The following CDH18 variants were observed in gnomAD, a reference collection of about 807,000 sequenced individuals.
CDH18 encodes the protein cadherin-18.
CDH18 carries 31 observed loss-of-function variants against 67.9 expected under a neutral mutation model. That is an observed-to-expected ratio of 0.46 (90% CI 0.34 to 0.62). The LOEUF is 0.62. Among genes scored for constraint, CDH18 ranks in the 20% least tolerant of loss-of-function variants. CDH18 has a pLI of 0.01. For missense variants in CDH18, 890 were observed against 975.5 expected (o/e 0.91, Z 1.17); for synonymous variants, 362 against 347.2 (o/e 1.04, Z -0.48).
chr5:20,511,843 G>A (rs746515084), intron 1 of CDH18, among the ~76,000 whole-genome samples: 6 of 152,078 alleles, frequency 3.9e-5, no homozygotes, highest in Non-Finnish European at 7.4e-5. Flanking sequence ...GGTTTTATTT[G>A]TTGGTGAGTT....
rs548812266 is a variant in CDH18 at position 20,281,836 on chromosome 5, T to C, written c.-579-26331A>G. On this transcript the variant is annotated intron_variant, in intron 1 of 14. Transcript: ENST00000507958. ...CCATTTTCACGATATTGATTCTTCCTACCCATGAGCATGGAATGTTCTTCC... is the reference window on the plus strand; with the variant it reads ...CCATTTTCACGATATTGATTCTTCCCACCCATGAGCATGGAATGTTCTTCC... Among the ~76,000 whole-genome samples the C allele has an allele frequency of 4.6e-5, 7 of 152,326 alleles. No homozygotes were observed. The East Asian group carries it at 7.7e-4, about 17-fold the overall frequency.
intron 8 of CDH18, among the ~76,000 whole-genome samples, chr5:19,569,710 C>T (rs1741040201): frequency 6.6e-6 from 1 of 152,046 alleles, no homozygotes; most frequent in South Asian, 2.1e-4. Flanking sequence ...CTATTTCTTC[C>T]ACCTAAATGT....
At chr5:20,536,073 T>C (rs1010039815) in intron 1 of CDH18, among the ~76,000 whole-genome samples, 2 of 152,186 alleles carry the variant, frequency 1.3e-5, no homozygotes, top group Admixed American at 1.3e-4. Flanking sequence ...TTTATAATTT[T>C]TTAAAATAGC....
chr5:20,386,865 G>A (rs1011992586), intron 1 of CDH18, among the ~76,000 whole-genome samples: 4 of 152,046 alleles, frequency 2.6e-5, no homozygotes, highest in Non-Finnish European at 5.9e-5. Context: ...GCATGCCACT[G>A]TCATTGTCTT....
chr5:20,203,659 GCC>G, intron 2 of CDH18, among the ~76,000 whole-genome samples: 1 of 146,400 alleles, frequency 6.8e-6, no homozygotes, highest in African/African-American at 2.5e-5. Flanking sequence ...AAAAAAAAAA[GCC>G]AGACAGAGAA....
chr5:20,433,085 C>T lies in CDH18; in HGVS notation c.-580+142377G>A, dbSNP rs535876862. ...AACACTATGTTAGTCACGGATTAGC[C>T]GAGGTCAATAGGCGACATTTCTTCC... On this transcript the variant is annotated intron_variant, in intron 1 of 14. Transcript: ENST00000507958. Among the ~76,000 whole-genome samples, 12 of 150,404 alleles carry T rather than the reference C, an allele frequency of 8.0e-5. No individual in the cohort carries two copies. The South Asian group carries it at 2.5e-3, about 32-fold the overall frequency.
intron 5 of CDH18, among the ~76,000 whole-genome samples, chr5:19,712,670 C>T (rs1462976897): frequency 7.3e-6 from 1 of 137,282 alleles, no homozygotes; most frequent in Non-Finnish European, 1.6e-5. Flanking sequence ...CACACACACA[C>T]ATATTTATAT....
intron 3 of CDH18, among the ~76,000 whole-genome samples, chr5:19,781,771 T>C (rs569707615): frequency 6.6e-6 from 1 of 152,074 alleles, no homozygotes; most frequent in African/African-American, 2.4e-5. Flanking sequence ...AACACAATAA[T>C]AATGGAGAAG....
chr5:19,545,104 T>G (rs1053137036), intron 8 of CDH18, among the ~76,000 whole-genome samples: 1 of 152,226 alleles, frequency 6.6e-6, no homozygotes, highest in Non-Finnish European at 1.5e-5. Flanking sequence ...TTTCTTCAAC[T>G]ATTTAAGGAG....
At chr5:20,050,160 G>T (rs1010140497) in intron 2 of CDH18, among the ~76,000 whole-genome samples, 5 of 151,874 alleles carry the variant, frequency 3.3e-5, no homozygotes, top group Admixed American at 3.3e-4. Context: ...CATATTATTA[G>T]AATTTTGCCT....
At chr5:20,193,034 G>T (rs1738672822) in intron 2 of CDH18, among the ~76,000 whole-genome samples, 1 of 151,916 alleles carries the variant, frequency 6.6e-6, no homozygotes. Context: ...CTTGAGCAGT[G>T]GTTTGTAGTT....
intron 1 of CDH18, among the ~76,000 whole-genome samples, chr5:20,486,705 ATGTGTGTGTGTGTATG>A (rs1753208849): frequency 1.3e-5 from 2 of 149,694 alleles, no homozygotes; most frequent in South Asian, 4.2e-4. Context: ...ATATACATAT[ATGTGTGTGTGTGTATG>A]TGTGTGTGTG....
At chr5:20,511,015 A>G (rs2126484089) in intron 1 of CDH18, among the ~76,000 whole-genome samples, 1 of 152,304 alleles carries the variant, frequency 6.6e-6, no homozygotes, top group African/African-American at 2.4e-5. Context: ...TGATCCTCAC[A>G]CCATCCACCA....
chr5:20,218,559 C>A (rs1055391941), intron 2 of CDH18, among the ~76,000 whole-genome samples: 3 of 152,028 alleles, frequency 2.0e-5, no homozygotes, highest in Non-Finnish European at 2.9e-5. Flanking sequence ...CAAATCTCAT[C>A]TTGATTTGTA....
At chr5:19,528,768 T>C (rs1369457990) in intron 9 of CDH18, among the ~76,000 whole-genome samples, 2 of 151,890 alleles carry the variant, frequency 1.3e-5, no homozygotes, top group Non-Finnish European at 2.9e-5. Context: ...TTCTATAAAA[T>C]TACCTGAGAT....
At chr5:19,753,667 TG>T in intron 3 of CDH18, among the ~76,000 whole-genome samples, 1 of 152,082 alleles carries the variant, frequency 6.6e-6, no homozygotes, top group East Asian at 1.9e-4. Context: ...CTATGTGTTA[TG>T]CCAATGCATA....
At chr5:20,134,268 G>A (rs1283707294) in intron 2 of CDH18, among the ~76,000 whole-genome samples, 2 of 152,072 alleles carry the variant, frequency 1.3e-5, no homozygotes, top group Non-Finnish European at 2.9e-5. Flanking sequence ...GAGTCACCAT[G>A]CCCAGCCTAC....
At chr5:20,524,113 T>C (rs1488982278) in intron 1 of CDH18, among the ~76,000 whole-genome samples, 3 of 152,192 alleles carry the variant, frequency 2.0e-5, no homozygotes, top group East Asian at 3.9e-4. Flanking sequence ...ATTATAAACA[T>C]TGTTACTCAC....
At chr5:19,668,189 T>G (rs539137576) in intron 5 of CDH18, among the ~76,000 whole-genome samples, 10 of 152,174 alleles carry the variant, frequency 6.6e-5, no homozygotes, top group African/African-American at 2.2e-4. Flanking sequence ...TGCAATTACA[T>G]TTTATTTTAA....
Sources: gnomAD v4.1 joint callset for allele counts (sites outside exome capture counted in the v4.1 genomes callset) on GRCh38, gnomAD v4.1.1 for gene constraint, MANE v1.5 for transcripts, NCBI Gene and HGNC (gene_info 2026-07-23, HGNC 2026-07-21) for gene names.